Variants in WWOX observed in about 807,000 individuals in gnomAD.
WWOX encodes the protein WW domain containing oxidoreductase.
WWOX carries 69 observed loss-of-function variants against 46.2 expected under a neutral mutation model. That is an observed-to-expected ratio of 1.49 (90% CI 1.23 to 1.82). The LOEUF (loss-of-function observed/expected upper bound fraction) is 1.82. Among genes scored for constraint, WWOX ranks in the 40% most tolerant of loss-of-function variants. The pLI is 0.00. For missense variants in WWOX, 919 were observed against 542.6 expected, an observed-to-expected ratio of 1.69 and a Z score of -6.89; for synonymous variants, 359 against 202.6, an observed-to-expected ratio of 1.77 and a Z score of -6.56.
At chr16:78,316,613 G>A (rs1254999565) in intron 5 of WWOX, among the ~76,000 whole-genome samples, 3 of 152,150 alleles carry the variant, frequency 2.0e-5, no homozygotes, top group Non-Finnish European at 4.4e-5. Flanking sequence ...AAAGTGCTGG[G>A]ATTATAGGCC....
chr16:78,256,975 C>T (rs1447909301), intron 5 of WWOX, among the ~76,000 whole-genome samples: 2 of 152,052 alleles, frequency 1.3e-5, no homozygotes, highest in African/African-American at 4.8e-5. Context: ...GCATTTGCTT[C>T]AGGTGAGGCC....
At chr16:79,046,466 A>G (rs1486388384) in intron 8 of WWOX, among the ~76,000 whole-genome samples, 4 of 152,164 alleles carry the variant, frequency 2.6e-5, no homozygotes, top group Non-Finnish European at 4.4e-5. Flanking sequence ...TGGGAAGTCT[A>G]AGATTAAGGC....
At chr16:78,569,793 A>T (rs2044667809) in intron 8 of WWOX, among the ~76,000 whole-genome samples, 1 of 152,190 alleles carries the variant, frequency 6.6e-6, no homozygotes. Context: ...TTATTGACCA[A>T]AGAGAGGGCA....
At chr16:78,285,989 G>A (rs186764512) in intron 5 of WWOX, among the ~76,000 whole-genome samples, 18 of 152,214 alleles carry the variant, frequency 1.2e-4, no homozygotes, top group African/African-American at 3.4e-4. Context: ...TCACAGCACC[G>A]TCTCTGCCCA....
At chr16:78,248,501 C>T (rs1282655345) in intron 5 of WWOX, among the ~76,000 whole-genome samples, 6 of 152,074 alleles carry the variant, frequency 3.9e-5, no homozygotes, top group African/African-American at 7.2e-5. Flanking sequence ...TTTGGGAGGC[C>T]GAGGCAGGTG....
In WWOX at chr16:78,855,249, C is replaced by A. The variant is rs58597931; in HGVS notation, c.1057-356359C>A. On this transcript the variant is annotated intron_variant, in intron 8 of 8. Coordinates refer to ENST00000566780, the MANE Select transcript of WWOX (RefSeq NM_016373.4). ...CTTCACGTACTTAATGATTAAAAAC[C>A]AAAGTACTAAATAATAAATTATAAG... is the stretch of plus-strand genomic sequence containing the variant. 8.3e-3 allele frequency among the ~76,000 whole-genome samples: 1,258 copies of A among 152,148 alleles called. 19 individuals are homozygous for A. The highest frequency in any genetic ancestry group is 0.029 in the African/African-American group (1,194 of 41,516).
intron 4 of WWOX, among the ~76,000 whole-genome samples, chr16:78,137,088 G>A (rs1243640247): frequency 6.6e-6 from 1 of 152,174 alleles, no homozygotes; most frequent in Non-Finnish European, 1.5e-5. Flanking sequence ...AGGAATAAGT[G>A]AGTGGCAGAG....
chr16:78,472,336 T>C (rs889572257), intron 8 of WWOX, among the ~76,000 whole-genome samples: 3 of 152,186 alleles, frequency 2.0e-5, no homozygotes, highest in Non-Finnish European at 4.4e-5. Flanking sequence ...GCCTGTCAAT[T>C]CTGAAAGCCC....
At chr16:78,632,113 T>C (rs774009343) in intron 8 of WWOX, among the ~76,000 whole-genome samples, 2 of 152,194 alleles carry the variant, frequency 1.3e-5, no homozygotes, top group Non-Finnish European at 2.9e-5. Flanking sequence ...AGCTGCTTGA[T>C]AGAAAAACAC....
intron 8 of WWOX, among the ~76,000 whole-genome samples, chr16:79,013,833 A>T (rs1347319960): frequency 6.6e-6 from 1 of 151,928 alleles, no homozygotes; most frequent in African/African-American, 2.4e-5. Flanking sequence ...GGTCCTCTTT[A>T]TTCTACTTTT....
chr16:78,993,081 G>C (rs1283627089), intron 8 of WWOX, among the ~76,000 whole-genome samples: 1 of 151,478 alleles, frequency 6.6e-6, no homozygotes, highest in Non-Finnish European at 1.5e-5. Flanking sequence ...CCCTTCTTTC[G>C]GGGAGGAAAT....
intron 4 of WWOX, among the ~76,000 whole-genome samples, chr16:78,143,719 A>G (rs979906531): frequency 6.6e-6 from 1 of 151,758 alleles, no homozygotes. Context: ...ATTATTAAGA[A>G]AACAAAGCTC....
intron 8 of WWOX, among the ~76,000 whole-genome samples, chr16:78,458,000 C>G (rs941918880): frequency 2.0e-5 from 3 of 151,486 alleles, no homozygotes; most frequent in African/African-American, 7.3e-5. Flanking sequence ...CTGCCTGAAC[C>G]TGGGAGGCGG....
In WWOX at chr16:78,347,536, T is replaced by G. The variant is rs890126092; in HGVS notation, c.517-39324T>G. On this transcript the variant is annotated intron_variant, in intron 5 of 8. Coordinates refer to ENST00000566780, the MANE Select transcript of WWOX (RefSeq NM_016373.4). The stretch of plus-strand genomic sequence containing the variant: ...CACACCTCTTGCATGTTCCTGAGCT[T>G]CTTAGGCGTGTTGCATCTTCCTGAC... Among the ~76,000 whole-genome samples the G allele has an allele frequency of 4.2e-5, 5 of 118,600 alleles. 1 individual carries two copies. The highest frequency in any genetic ancestry group is 8.6e-5 in the African/African-American group (3 of 34,894). 77.8% of individuals were successfully genotyped at this position (118,600 alleles called of 152,430 possible). A position where few individuals can be genotyped will look rare whatever the true frequency, so the allele number is the denominator to read the frequency against.
intron 8 of WWOX, among the ~76,000 whole-genome samples, chr16:78,435,041 G>A (rs567394886): frequency 2.0e-5 from 3 of 152,256 alleles, no homozygotes; most frequent in South Asian, 4.2e-4. Context: ...TGGACCTAAC[G>A]GGAGTATCTC....
chr16:79,058,114 A>C lies in WWOX; in HGVS notation c.1057-153494A>C, dbSNP rs11150131. Among the ~76,000 whole-genome samples, 661 of 129,796 alleles carry C rather than the reference A, an allele frequency of 5.1e-3. 3 individuals carry two copies. Among genetic ancestry groups the C allele is most frequent in the Non-Finnish European group, 8.0e-3 (523 of 65,498 alleles). 85.2% of individuals were successfully genotyped at this position (129,796 alleles called of 152,430 possible). A position where few individuals can be genotyped will look rare whatever the true frequency, so the allele number is the denominator to read the frequency against. ...AGGAGATATATCTTACTTAAAAAAAAAAAAAACAAACAAACAAAAAAAAAA... is the reference window on the plus strand; with the variant it reads ...AGGAGATATATCTTACTTAAAAAAACAAAAAACAAACAAACAAAAAAAAAA... On this transcript the variant is annotated intron_variant, in intron 8 of 8. Transcript: ENST00000566780.
intron 8 of WWOX, among the ~76,000 whole-genome samples, chr16:78,771,298 A>G (rs899689836): frequency 7.2e-5 from 11 of 152,176 alleles, no homozygotes; most frequent in African/African-American, 2.7e-4. Context: ...CCAGTTAGGA[A>G]GCTATCACAG....
At chr16:78,574,658 G>C (rs964912074) in intron 8 of WWOX, among the ~76,000 whole-genome samples, 1 of 151,720 alleles carries the variant, frequency 6.6e-6, no homozygotes, top group Admixed American at 6.6e-5. Flanking sequence ...ATGCATTTCT[G>C]AACCTGAAGG....
intron 1 of WWOX, among the ~76,000 whole-genome samples, chr16:78,105,161 C>G (rs1055106566): frequency 6.6e-6 from 1 of 152,136 alleles, no homozygotes; most frequent in Non-Finnish European, 1.5e-5. Flanking sequence ...AAGGCAGCCC[C>G]GCAACAAAGA....
Sources: allele counts gnomAD v4.1 joint callset (sites outside exome capture counted in the v4.1 genomes callset), GRCh38; gene constraint gnomAD v4.1.1; transcripts MANE v1.5; gene names NCBI Gene and HGNC (gene_info 2026-07-23, HGNC 2026-07-21).